Variants in EDDM13 observed in about 807,000 individuals in gnomAD.
EDDM13 encodes epididymal protein 13.
A neutral mutation model predicts 17.8 loss-of-function variants in EDDM13; 24 were observed. The observed-to-expected ratio is 1.35, with a 90% CI of 0.98 to 1.90. EDDM13 has a LOEUF of 1.90. EDDM13 is among the 40% of genes most tolerant of loss of function. The probability of loss-of-function intolerance (pLI) is 0.00; values close to 1 mark genes in which losing one functional copy is unlikely to be tolerated. For missense variants in EDDM13, 97 were observed against 100.8 expected (o/e 0.96, Z 0.16); for synonymous variants, 31 against 37.5 (o/e 0.83, Z 0.63).
intron 14 of EDDM13, among the ~76,000 whole-genome samples, chr19:56,309,816 C>A (rs545864034): frequency 8.5e-5 from 13 of 152,302 alleles, no homozygotes; most frequent in Admixed American, 3.3e-4. Context: ...CGCTGCTTCC[C>A]ACTGGCTGGT....
intron 6 of EDDM13, among the ~76,000 whole-genome samples, chr19:56,287,589 AT>A (rs1292822389): frequency 1.3e-5 from 2 of 152,188 alleles, no homozygotes. Flanking sequence ...AAATGTTCTT[AT>A]TCCACATGTG....
chr19:56,301,981 A>G lies in EDDM13; in HGVS notation c.309A>G (p.Ser103=), dbSNP rs545987612. 2.7e-5 allele frequency: 33 copies of G among 1,231,994 alleles called. No individual in the cohort carries two copies. Among genetic ancestry groups the G allele is most frequent in the Non-Finnish European group, 3.3e-5 (33 of 988,288 alleles). The allele number at this position is 1,231,994 out of a possible 1,614,324, so 76.3% of individuals were successfully genotyped here. ...GGTTCTCTCCAGTTAAACCCTTCTC[A>G]GGCACCACCCCATCCAGGAAACCAC... The part of the protein sequence containing the change: ...SGCKEEVKPF[S]GTTPSRKPLP... The change falls in exon 13 of 15, where the codon TCA becomes TCG. Residue 103 remains serine (S), a synonymous_variant. Transcript: ENST00000649256.
At chr19:56,279,175 C>T (rs2038489497) in intron 2 of EDDM13, among the ~76,000 whole-genome samples, 1 of 152,234 alleles carries the variant, frequency 6.6e-6, no homozygotes, top group Admixed American at 6.5e-5. Context: ...TCAACCATCA[C>T]ATCCCCTGAA....
chr19:56,304,583 C>G (rs984864350), intron 13 of EDDM13, among the ~76,000 whole-genome samples: 1 of 151,978 alleles, frequency 6.6e-6, no homozygotes, highest in Non-Finnish European at 1.5e-5. Context: ...GGAGAACTGG[C>G]TGGAAGATGG....
rs11374260 is a variant in EDDM13, at chr19:56,284,513, A to ATTTTT, written c.127+324_127+328dup. On this transcript the variant is annotated intron_variant, in intron 5 of 14. Transcript: ENST00000649256. Reference sequence around the variant, plus strand: ...TTAGAGACAAGTGATGCTTGCTGTAATTTTTTTTTTTTTTTTTTTTTGAGA... The same window carrying ATTTTT: ...TTAGAGACAAGTGATGCTTGCTGTAATTTTTTTTTTTTTTTTTTTTTTTTTTGAGA... 1.9e-3 allele frequency among the ~76,000 whole-genome samples: 229 copies of ATTTTT among 118,278 alleles called. 6 individuals are homozygous for ATTTTT. Among genetic ancestry groups the ATTTTT allele is most frequent in the South Asian group, 0.011 (38 of 3,338 alleles). The allele number at this position is 118,278 out of a possible 152,430, so 77.6% of individuals were successfully genotyped here. A position where few individuals can be genotyped will look rare whatever the true frequency, so the allele number is the denominator to read the frequency against.
At chr19:56,293,636 G>C (rs1159836214) in intron 9 of EDDM13, among the ~76,000 whole-genome samples, 1 of 152,220 alleles carries the variant, frequency 6.6e-6, no homozygotes, top group Non-Finnish European at 1.5e-5. Flanking sequence ...AATAGTTCCA[G>C]CCTCATATGG....
chr19:56,298,681 C>CT (rs1297750171), intron 12 of EDDM13, among the ~76,000 whole-genome samples: 1 of 151,748 alleles, frequency 6.6e-6, no homozygotes, highest in East Asian at 1.9e-4. Context: ...GAATAATCCT[C>CT]TATCTATTAA....
chr19:56,307,585 G>T (rs1032782989), intron 14 of EDDM13, among the ~76,000 whole-genome samples: 1 of 152,056 alleles, frequency 6.6e-6, no homozygotes, highest in African/African-American at 2.4e-5. Context: ...CTTTTACCCC[G>T]TATCTTGCAG....
chr19:56,301,453 A>G lies in EDDM13; in HGVS notation c.296-515A>G, dbSNP rs539758711. On this transcript the variant is annotated intron_variant, in intron 12 of 14. Transcript: ENST00000649256. ...TATAATTAGTATATAATGAGCAGTG[A>G]GGACCACCAGAGGTCACTTGAATCG... Among the ~76,000 whole-genome samples, 6 of 152,072 alleles carry G rather than the reference A, an allele frequency of 3.9e-5. No homozygotes were observed. In the East Asian group the frequency reaches 7.7e-4, roughly 20 times the overall value.
intron 4 of EDDM13, chr19:56,283,134 T>C (rs1304941927): frequency 6.6e-6 from 1 of 152,228 alleles, no homozygotes; most frequent in Non-Finnish European, 1.5e-5. Flanking sequence ...TAAGTGAACT[T>C]ACGGTTGCAA....
At chr19:56,307,644 T>A (rs1432958063) in intron 14 of EDDM13, among the ~76,000 whole-genome samples, 7 of 152,292 alleles carry the variant, frequency 4.6e-5, no homozygotes, top group African/African-American at 1.7e-4. Context: ...CCCACAGAGA[T>A]AAGTCACTGC....
intron 5 of EDDM13, among the ~76,000 whole-genome samples, 194 bp from the exon 6 acceptor site, chr19:56,284,804 C>T (rs941238619): frequency 6.6e-6 from 1 of 152,092 alleles, no homozygotes; most frequent in Non-Finnish European, 1.5e-5. Context: ...TGAGCCACTG[C>T]GCCTGGCCTT....
At chr19:56,303,979 A>AG (rs2040514314) in intron 13 of EDDM13, among the ~76,000 whole-genome samples, 1 of 152,152 alleles carries the variant, frequency 6.6e-6, no homozygotes, top group Admixed American at 6.5e-5. Context: ...TGAGAGGGGC[A>AG]GGGGGGTCCA....
chr19:56,276,123 A>C lies in EDDM13; in HGVS notation c.103+14A>C, dbSNP rs2038230270. On this transcript the variant is annotated intron_variant, in intron 2 of 14. Coordinates refer to ENST00000649256, the MANE Select transcript of EDDM13 (RefSeq NM_001354658.2). Reference sequence around the variant, plus strand: ...CTAAAGAAAAAAGTAAGAACCGTGGAACCCCCAAGTCTGTATTTTCATAGC... The same window carrying C: ...CTAAAGAAAAAAGTAAGAACCGTGGCACCCCCAAGTCTGTATTTTCATAGC... Among the ~76,000 whole-genome samples, 1 of 152,192 alleles carries C rather than the reference A, an allele frequency of 6.6e-6. No homozygotes were observed. The highest frequency in any genetic ancestry group is 2.4e-5 in the African/African-American group (1 of 41,446).
intron 9 of EDDM13, among the ~76,000 whole-genome samples, chr19:56,292,921 T>C (rs535103016): frequency 6.6e-6 from 1 of 152,350 alleles, no homozygotes; most frequent in African/African-American, 2.4e-5. Context: ...GGCTGAGCAA[T>C]ACTCCATTGC....
chr19:56,292,137 A>C (rs1269096252), intron 9 of EDDM13, among the ~76,000 whole-genome samples: 2 of 152,194 alleles, frequency 1.3e-5, no homozygotes, highest in African/African-American at 4.8e-5. Context: ...TGTGTGGCTC[A>C]GACTTATTTT....
intron 8 of EDDM13, among the ~76,000 whole-genome samples, chr19:56,289,709 G>A (rs775435317): frequency 2.0e-5 from 3 of 152,112 alleles, no homozygotes; most frequent in Non-Finnish European, 2.9e-5. Flanking sequence ...GACCCCCCAG[G>A]CTCAAGCAAT....
Position 56,287,133 on chromosome 19 carries a change from G to A in EDDM13, c.155-1252G>A, listed in dbSNP as rs558792411. Among the ~76,000 whole-genome samples, 3 of 152,284 alleles carry A rather than the reference G, an allele frequency of 2.0e-5. 1 individual carries two copies. Among genetic ancestry groups the A allele is most frequent in the South Asian group, 4.1e-4 (2 of 4,826 alleles). On this transcript the variant is annotated intron_variant, in intron 6 of 14. Transcript: ENST00000649256. Reference sequence around the variant, plus strand: ...GGTTTCTGTTACTCCTGTGATGACAGTTTCCGAGTTTTGTCCATCTTAGGT... The same window carrying A: ...GGTTTCTGTTACTCCTGTGATGACAATTTCCGAGTTTTGTCCATCTTAGGT...
chr19:56,273,630 G>A (rs1229374368), intron 1 of EDDM13, among the ~76,000 whole-genome samples: 1 of 152,132 alleles, frequency 6.6e-6, no homozygotes, highest in Non-Finnish European at 1.5e-5. Flanking sequence ...AATATGCAAA[G>A]GTCCTGGGGC....
Sources: allele counts gnomAD v4.1 joint callset (sites outside exome capture counted in the v4.1 genomes callset), GRCh38; gene constraint gnomAD v4.1.1; transcripts MANE v1.5; gene names NCBI Gene and HGNC (gene_info 2026-07-23, HGNC 2026-07-21).